The following HPS3 variants were observed in gnomAD, a reference collection of about 807,000 sequenced individuals.
HPS3 encodes the protein BLOC-2 complex member HPS3.
Under a neutral mutation model 110.9 loss-of-function variants are expected in HPS3, and 79 were observed. That is an observed-to-expected ratio of 0.71 (90% CI 0.59 to 0.86). The LOEUF is 0.86. Ranked by LOEUF, HPS3 falls within the 40% of genes least tolerant of loss-of-function variation. HPS3 has a pLI of 0.00. For synonymous variants in HPS3, 428 were observed against 451.0 expected, an observed-to-expected ratio of 0.95 and a Z score of 0.65; for missense variants, 1,197 against 1,206.2, an observed-to-expected ratio of 0.99 and a Z score of 0.11.
At chr3:149,164,915 C>G (rs1243516799) in intron 14 of HPS3, among the ~76,000 whole-genome samples, 1 of 152,132 alleles carries the variant, frequency 6.6e-6, no homozygotes, top group Non-Finnish European at 1.5e-5. Context: ...CTCATTTACA[C>G]TATGGGAACT....
In HPS3 at chr3:149,155,772, T is replaced by A. The variant is rs369431001; in HGVS notation, c.1509+557T>A. 8.5e-5 allele frequency among the ~76,000 whole-genome samples: 13 copies of A among 152,234 alleles called. No individual in the cohort carries two copies. The East Asian group carries it at 2.3e-3, about 27-fold the overall frequency. The stretch of plus-strand genomic sequence containing the variant: ...CTTACAGAAAAGTTGCAAGAATAAG[T>A]ATATTCTTCCCAACCCTTTGGGAGG... On this transcript the variant is annotated intron_variant, in intron 8 of 16. Coordinates refer to ENST00000296051, the MANE Select transcript of HPS3 (RefSeq NM_032383.5).
At chr3:149,168,021 G>C in intron 16 of HPS3, 38 bp downstream of exon 16, 1 of 1,195,690 alleles carries the variant, frequency 8.4e-7, no homozygotes, top group Non-Finnish European at 1.2e-6. Context: ...ATAAACTTAA[G>C]TTTCAGTTTT....
At chr3:149,135,230 T>A (rs1722018414) in intron 1 of HPS3, among the ~76,000 whole-genome samples, 1 of 152,068 alleles carries the variant, frequency 6.6e-6, no homozygotes, top group Admixed American at 6.6e-5. Flanking sequence ...AGGTAGAAAT[T>A]TTGAAGGATG....
intron 6 of HPS3, among the ~76,000 whole-genome samples, chr3:149,152,247 C>T (rs1472600398): frequency 6.6e-6 from 1 of 152,172 alleles, no homozygotes; most frequent in African/African-American, 2.4e-5. Flanking sequence ...CCTCTTCTTT[C>T]CCCTCCTTGC....
Position 149,141,379 on chromosome 3 carries a change from C to G in HPS3, c.969C>G (p.Thr323=), listed in dbSNP as rs199556788. 5.6e-6 allele frequency: 9 copies of G among 1,610,716 alleles called. No individual in the cohort carries two copies. The African/African-American group carries it at 6.7e-5, about 12-fold the overall frequency. Reference sequence around the variant, plus strand: ...TCCAGCTGCTACCCATTTACCAGACCGGTAAGCATGACAGTGCAGGAGTGC... The same window carrying G: ...TCCAGCTGCTACCCATTTACCAGACGGGTAAGCATGACAGTGCAGGAGTGC... ...HSLQLLPIYQ[T]GSLTSDGKNL... Residue 323 remains threonine (T), a splice_region_variant and synonymous_variant, in exon 4 of 17, where the codon ACC becomes ACG. Transcript: ENST00000296051.
At chr3:149,166,645 A>G (rs898971275) in intron 14 of HPS3, among the ~76,000 whole-genome samples, 2 of 152,178 alleles carry the variant, frequency 1.3e-5, no homozygotes, top group African/African-American at 4.8e-5. Context: ...TTAAACATGT[A>G]GATTACTTCT....
chr3:149,141,519 G>GTT (rs373195954), intron 4 of HPS3, 139 bp downstream of exon 4: 1,276 of 390,652 alleles, frequency 3.3e-3, no homozygotes, highest in South Asian at 7.0e-3. Flanking sequence ...CTTTAACAAA[G>GTT]TTTTTTTTTT....
At chr3:149,138,825 A>T (rs1249630811) in intron 1 of HPS3, among the ~76,000 whole-genome samples, 1 of 152,252 alleles carries the variant, frequency 6.6e-6, no homozygotes, top group Non-Finnish European at 1.5e-5. Flanking sequence ...TAGGAAATGT[A>T]AATTATAATA....
intron 1 of HPS3, among the ~76,000 whole-genome samples, chr3:149,138,000 T>A (rs975087856): frequency 8.7e-5 from 13 of 149,416 alleles, no homozygotes; most frequent in Admixed American, 4.0e-4. Context: ...ATAAAAAAAA[T>A]TTATTTATTT....
At chr3:149,138,491 A>G (rs1272519471) in intron 1 of HPS3, among the ~76,000 whole-genome samples, 1 of 152,224 alleles carries the variant, frequency 6.6e-6, no homozygotes, top group Non-Finnish European at 1.5e-5. Context: ...CTAAAATAGA[A>G]GAAAATATAG....
At chr3:149,165,412 GAAAATCTTTGCTATTAAAGGAGC>G (rs1286944084) in intron 14 of HPS3, among the ~76,000 whole-genome samples, 2 of 152,030 alleles carry the variant, frequency 1.3e-5, no homozygotes, top group African/African-American at 4.8e-5. Flanking sequence ...ATTAAAGGAG[GAAAATCTTTGCTATTAAAGGAGC>G]AAAATCTTTG....
At chr3:149,152,885 A>G (rs1245020558) in intron 6 of HPS3, among the ~76,000 whole-genome samples, 1 of 152,212 alleles carries the variant, frequency 6.6e-6, no homozygotes, top group East Asian at 1.9e-4. Context: ...TTACAAGAGC[A>G]AAAGGCTGGC....
At chr3:149,141,531 G>GTTTTTTTTTTTTTTTTTTTTTTTTTTTT (rs10718838) in intron 4 of HPS3, 151 bp downstream of exon 4, 1 of 360,914 alleles carries the variant, frequency 2.8e-6, no homozygotes, top group African/African-American at 2.6e-5. Flanking sequence ...TTTTTTTTTT[G>GTTTTTTTTTTTTTTTTTTTTTTTTTTTT]TTTTTTTTTT....
intron 13 of HPS3, among the ~76,000 whole-genome samples, chr3:149,163,249 G>A (rs1724065852): frequency 6.6e-6 from 1 of 152,190 alleles, no homozygotes; most frequent in Non-Finnish European, 1.5e-5. Flanking sequence ...GGTGGGAGAG[G>A]AACTGCAGAA....
At chr3:149,145,212 A>G (rs777465168) in intron 4 of HPS3, 142 bp from the exon 5 acceptor site, 28 of 671,898 alleles carry the variant, frequency 4.2e-5, no homozygotes, top group Non-Finnish European at 6.6e-5. Context: ...TCTTACCAAC[A>G]TTCTTCTATA....
chr3:149,171,624 A>T (rs35038037), intron 16 of HPS3, among the ~76,000 whole-genome samples: 1 of 152,130 alleles, frequency 6.6e-6, no homozygotes, highest in Non-Finnish European at 1.5e-5. Flanking sequence ...AGTTACAACC[A>T]TAAAGAAGCC....
intron 15 of HPS3, 148 bp from the exon 16 acceptor site, chr3:149,167,745 A>G (rs1281022354): frequency 1.5e-6 from 1 of 672,150 alleles, no homozygotes; most frequent in African/African-American, 1.8e-5. Context: ...CTGGCTGCTG[A>G]TATAACTTAT....
chr3:149,151,446 G>T (rs528563273), intron 6 of HPS3, among the ~76,000 whole-genome samples: 1 of 151,828 alleles, frequency 6.6e-6, no homozygotes, highest in South Asian at 2.1e-4. Context: ...GCATTAAAAT[G>T]ATTTATTTAT....
In HPS3 at chr3:149,162,205, G is replaced by A; in HGVS notation, c.2164G>A (p.Gly722Arg). The A allele has an allele frequency of 6.2e-7, 1 of 1,613,968 alleles. No homozygotes were observed. Among genetic ancestry groups the A allele is most frequent in the Non-Finnish European group, 8.5e-7 (1 of 1,179,922 alleles). ...TCGGCTGTTGATTCAACAGAGAAAG[G>A]GACAGATTGTTCCAACCGAGCTTGC... is the stretch of plus-strand genomic sequence containing the variant. ...EPRLLIQQRK[G>R]QIVPTELALH... is the part of the protein sequence containing the mutation. Residue 722 changes from glycine to arginine, a missense_variant, in exon 12 of 17, where the codon GGA becomes AGA. Gly to Arg is a moderately radical substitution (Grantham distance 125). Transcript: ENST00000296051.
Sources: allele counts gnomAD v4.1 joint callset (sites outside exome capture counted in the v4.1 genomes callset), GRCh38; gene constraint gnomAD v4.1.1; transcripts MANE v1.5; gene names NCBI Gene and HGNC (gene_info 2026-07-23, HGNC 2026-07-21).